TMEM132E: variants seen among roughly 807,000 people sequenced by gnomAD.
TMEM132E encodes transmembrane protein 132E.
TMEM132E carries 49 observed loss-of-function variants against 78.5 expected under a neutral mutation model. The observed-to-expected ratio is 0.62, with a 90% CI of 0.50 to 0.79. TMEM132E has a LOEUF of 0.79. Among genes scored for constraint, TMEM132E ranks in the 30% least tolerant of loss-of-function variants. The pLI is 0.00. For synonymous variants in TMEM132E, 715 were observed against 670.6 expected (o/e 1.07, Z -1.02); for missense variants, 1,403 against 1,470.9 (o/e 0.95, Z 0.75).
rs1907470435 is a variant in TMEM132E, at chr17:34,634,989, C to T, written c.1879C>T (p.Leu627=). ...GPDWLVEVTD[L]VSDFMRVGDP... is the part of the protein sequence containing the mutation. ...GGACTGGCTGGTGGAGGTCACCGACCTAGTCAGTGACTTCATGCGGGTGGG... is the reference window on the plus strand; with the variant it reads ...GGACTGGCTGGTGGAGGTCACCGACTTAGTCAGTGACTTCATGCGGGTGGG... Residue 627 remains leucine, a synonymous_variant, in exon 7 of 9, where the codon CTA becomes TTA. Transcript: ENST00000631683. The T allele has an allele frequency of 6.2e-7, 1 of 1,614,102 alleles. No individual in the cohort carries two copies. The highest frequency in any genetic ancestry group is 8.5e-7 in the Non-Finnish European group (1 of 1,180,032).
intron 1 of TMEM132E, among the ~76,000 whole-genome samples, chr17:34,612,865 G>T (rs565167839): frequency 3.3e-5 from 5 of 149,762 alleles, no homozygotes; most frequent in African/African-American, 5.0e-5. Context: ...TTCCGTCACT[G>T]GGGGGGGCAG....
At chr17:34,616,586 G>T (rs1213752885) in intron 1 of TMEM132E, among the ~76,000 whole-genome samples, 1 of 152,194 alleles carries the variant, frequency 6.6e-6, no homozygotes, top group Non-Finnish European at 1.5e-5. Flanking sequence ...GAGGAAAGTG[G>T]AGCCTCCAGG....
chr17:34,604,243 T>C (rs535080803), intron 1 of TMEM132E, among the ~76,000 whole-genome samples: 1 of 152,220 alleles, frequency 6.6e-6, no homozygotes, highest in South Asian at 2.1e-4. Context: ...AATGGCTTCT[T>C]AGGAAGGGTT....
Position 34,638,264 on chromosome 17 carries a change from C to CCCA in TMEM132E, c.*34_*35insACC. 2.0e-6 allele frequency: 3 copies of CCCA among 1,473,366 alleles called. No individual in the cohort carries two copies. The South Asian group carries it at 4.2e-5, about 21-fold the overall frequency. The allele number at this position is 1,473,366 out of a possible 1,614,324, so 91.3% of individuals were successfully genotyped here. ...CAGCCGGAGTAGCAGGGACCCCCCC[C>CCCA]CCCAACGGGGTCAGCTCGGGGTAGG... is the stretch of plus-strand genomic sequence containing the variant. On this transcript the variant is annotated 3_prime_UTR_variant, in exon 9 of 9. Transcript: ENST00000631683.
At chr17:34,607,679 T>C (rs1906459570) in intron 1 of TMEM132E, among the ~76,000 whole-genome samples, 1 of 152,208 alleles carries the variant, frequency 6.6e-6, no homozygotes, top group African/African-American at 2.4e-5. Context: ...CTGACTCGGC[T>C]ACGACGGGGA....
chr17:34,625,581 G>A (rs1244628010), intron 1 of TMEM132E, among the ~76,000 whole-genome samples: 1 of 152,156 alleles, frequency 6.6e-6, no homozygotes, highest in Non-Finnish European at 1.5e-5. Flanking sequence ...TAGAAAACTG[G>A]TCGCGTGGAT....
chr17:34,634,149 A>C (rs1361684974), intron 6 of TMEM132E, among the ~76,000 whole-genome samples: 2 of 152,236 alleles, frequency 1.3e-5, no homozygotes, highest in East Asian at 3.8e-4. Context: ...CTTTCTCACC[A>C]AAGCACACCT....
chr17:34,584,359 A>G (rs1181940727), intron 1 of TMEM132E, among the ~76,000 whole-genome samples: 1 of 152,190 alleles, frequency 6.6e-6, no homozygotes, highest in Non-Finnish European at 1.5e-5. Flanking sequence ...TCCTCCAGGG[A>G]GCCTCCGTAG....
At chr17:34,614,474 C>T (rs570050685) in intron 1 of TMEM132E, 1 of 152,278 alleles carries the variant, frequency 6.6e-6, no homozygotes, top group East Asian at 1.9e-4. Flanking sequence ...CAGGGGTAAG[C>T]GATGCTTGAT....
intron 1 of TMEM132E, among the ~76,000 whole-genome samples, chr17:34,616,176 G>A (rs1906772530): frequency 6.6e-6 from 1 of 152,166 alleles, no homozygotes; most frequent in Non-Finnish European, 1.5e-5. Context: ...CAGGAAACCA[G>A]AGCTGCTGGG....
In TMEM132E at chr17:34,579,725, G is replaced by A. The variant is rs1312531799; in HGVS notation, c.-1352G>A. 6.5e-6 allele frequency: 1 copy of A among 152,810 alleles called. No homozygotes were observed. The highest frequency in any genetic ancestry group is 1.5e-5 in the Non-Finnish European group (1 of 68,560). 9.5% of individuals were successfully genotyped at this position (152,810 alleles called of 1,614,324 possible). A position where few individuals can be genotyped will look rare whatever the true frequency, so the allele number is the denominator to read the frequency against. Reference sequence around the variant, plus strand: ...TTCTTCCCCCACACACGTCCATGGGGAGCCGGCTCCCCTGCCAGCACCTCC... The same window carrying A: ...TTCTTCCCCCACACACGTCCATGGGAAGCCGGCTCCCCTGCCAGCACCTCC... On this transcript the variant is annotated 5_prime_UTR_variant, in exon 1 of 9. Transcript: ENST00000631683.
Position 34,626,875 on chromosome 17 carries a change from G to A in TMEM132E, c.816G>A (p.Gly272=), listed in dbSNP as rs1907160684. The A allele has an allele frequency of 6.2e-7, 1 of 1,610,482 alleles. No individual in the cohort carries two copies. The highest frequency in any genetic ancestry group is 8.5e-7 in the Non-Finnish European group (1 of 1,179,688). The part of the protein sequence containing the change: ...SPTQHPLLRI[G]SISLFRPPPR... ...CCCAGCACCCCCTGCTGCGCATCGG[G>A]AGCATCAGCCTGTTCCGCCCGCCCC... The change falls in exon 2 of 9, where the codon GGG becomes GGA. Residue 272 remains glycine (G), a synonymous_variant. Coordinates refer to ENST00000631683, the MANE Select transcript of TMEM132E (RefSeq NM_001304438.2).
chr17:34,595,794 A>C (rs1699382219), intron 1 of TMEM132E, among the ~76,000 whole-genome samples: 1 of 152,144 alleles, frequency 6.6e-6, no homozygotes, highest in Non-Finnish European at 1.5e-5. Flanking sequence ...ACAATTGCTG[A>C]AGGAAGTTGG....
intron 1 of TMEM132E, among the ~76,000 whole-genome samples, chr17:34,600,937 G>A (rs62063943): frequency 2.0e-5 from 3 of 152,162 alleles, no homozygotes; most frequent in South Asian, 2.1e-4. Flanking sequence ...GCCAGCTCAC[G>A]GCACACACTC....
chr17:34,598,824 C>G (rs1906137649), intron 1 of TMEM132E, among the ~76,000 whole-genome samples: 1 of 152,180 alleles, frequency 6.6e-6, no homozygotes, highest in Non-Finnish European at 1.5e-5. Context: ...TGGCCCTGGC[C>G]TAGCAATTTT....
chr17:34,621,778 C>A (rs935989005), intron 1 of TMEM132E, among the ~76,000 whole-genome samples: 6 of 152,134 alleles, frequency 3.9e-5, no homozygotes, highest in African/African-American at 1.4e-4. Flanking sequence ...TTGTTATGGG[C>A]AGCCTGCTGT....
rs767329193 is a variant in TMEM132E, at chr17:34,626,832, C to T, written c.773C>T (p.Ala258Val). The T allele has an allele frequency of 6.4e-7, 1 of 1,560,498 alleles. No homozygotes were observed. Among genetic ancestry groups the T allele is most frequent in the South Asian group, 1.2e-5 (1 of 86,634 alleles). Reference sequence around the variant, plus strand: ...CGGGGGGCCGGGCCCGGGGTGGGGGCCCGAGCGGAAAGCCCTACCCAGCAC... The same window carrying T: ...CGGGGGGCCGGGCCCGGGGTGGGGGTCCGAGCGGAAAGCCCTACCCAGCAC... ...SRRGAGPGVG[A>V]RAESPTQHPL... is the part of the protein sequence containing the mutation. The change falls in exon 2 of 9, where the codon GCC becomes GTC. Residue 258 changes from alanine (A) to valine (V), a missense_variant. Coordinates refer to ENST00000631683, the MANE Select transcript of TMEM132E (RefSeq NM_001304438.2).
chr17:34,626,999 T>C lies in TMEM132E; in HGVS notation c.940T>C (p.Tyr314His). 1.2e-6 allele frequency: 2 copies of C among 1,613,860 alleles called. No homozygotes were observed. Among genetic ancestry groups the C allele is most frequent in the African/African-American group, 2.7e-5 (2 of 75,062 alleles). Residue 314 changes from tyrosine (Y) to histidine (H), a missense_variant, in exon 2 of 9, where the codon TAT becomes CAT. Coordinates refer to ENST00000631683, the MANE Select transcript of TMEM132E (RefSeq NM_001304438.2). ...CGGGGAAGTGCTCAGCATCCTCCTC[T>C]ATCTGGCCCCCAACTCCTCCTCGCC... is the stretch of plus-strand genomic sequence containing the variant. ...KPGEVLSILL[Y>H]LAPNSSSPSS...
At chr17:34,622,864 G>A (rs963605583) in intron 1 of TMEM132E, among the ~76,000 whole-genome samples, 11 of 152,244 alleles carry the variant, frequency 7.2e-5, no homozygotes, top group Admixed American at 2.6e-4. Context: ...GGTAAGTGGC[G>A]GTAAGTGCTA....
Sources: allele counts gnomAD v4.1 joint callset (sites outside exome capture counted in the v4.1 genomes callset), GRCh38; gene constraint gnomAD v4.1.1; transcripts MANE v1.5; gene names NCBI Gene and HGNC (gene_info 2026-07-23, HGNC 2026-07-21).